NOB1: variants seen among roughly 807,000 people sequenced by gnomAD.
NOB1 encodes NIN1 (RPN12) binding protein 1 homolog, also known as RNA-binding protein NOB1.
Under a neutral mutation model 44.8 loss-of-function variants are expected in NOB1, and 44 were observed. That is an observed-to-expected ratio of 0.98 (90% CI 0.77 to 1.26). NOB1 has a LOEUF of 1.26. Ranked by LOEUF, NOB1 falls within the 50% of genes most tolerant of loss-of-function variation. The pLI, the probability that NOB1 is intolerant of heterozygous loss-of-function variation, is 0.00. For synonymous variants in NOB1, 238 were observed against 218.7 expected (o/e 1.09, Z -0.78); for missense variants, 560 against 544.8 (o/e 1.03, Z -0.28).
At chr16:69,751,203 A>T (rs1401065505) in intron 3 of NOB1, among the ~76,000 whole-genome samples, 1 of 152,130 alleles carries the variant, frequency 6.6e-6, no homozygotes, top group Non-Finnish European at 1.5e-5. Context: ...CTCCTGCCTC[A>T]GACGGGGTTG....
At position 69,754,921 on chromosome 16, in the gene NOB1, T is replaced by G. The variant is rs1353160431; in HGVS notation, c.-11A>C. On this transcript the variant is annotated 5_prime_UTR_variant, in exon 1 of 9. Transcript: ENST00000268802. ...CTCCACTGGAGCCATGTTGGCTGCG[T>G]GAGAGGGGAGCGCGCATGCGCACGG... 1 of 1,572,362 alleles carries G rather than the reference T, an allele frequency of 6.4e-7. No individual in the cohort carries two copies. The highest frequency in any genetic ancestry group is 8.6e-7 in the Non-Finnish European group (1 of 1,160,662).
chr16:69,754,320 C>T (rs2038506471), intron 2 of NOB1, among the ~76,000 whole-genome samples: 1 of 152,218 alleles, frequency 6.6e-6, no homozygotes. Context: ...TCAGTTCATG[C>T]TCACAGCAAC....
At chr16:69,753,177 G>T (rs1172549674) in intron 2 of NOB1, among the ~76,000 whole-genome samples, 1 of 152,094 alleles carries the variant, frequency 6.6e-6, no homozygotes, top group African/African-American at 2.4e-5. Flanking sequence ...AGCCAAGATC[G>T]TGCCACTGCA....
At position 69,742,441 on chromosome 16, in the gene NOB1, T is replaced by A. The variant is rs748231308; in HGVS notation, c.1130A>T (p.Asp377Val). The change falls in exon 9 of 9, where the codon GAC becomes GTC. Residue 377 changes from aspartate to valine, a missense_variant. Transcript: ENST00000268802. ...IAGVSPFVEN[D>V]ISSRSATLQV... Reference sequence around the variant, plus strand: ...CAGGGTAGCTGAGCGGCTGGAGATGTCATTCTCGACAAAGGGTGACACCCC... The same window carrying A: ...CAGGGTAGCTGAGCGGCTGGAGATGACATTCTCGACAAAGGGTGACACCCC... The A allele has an allele frequency of 2.5e-5, 41 of 1,614,236 alleles. 3 individuals carry two copies. In the South Asian group the frequency reaches 4.4e-4, roughly 17 times the overall value.
Position 69,749,448 on chromosome 16 carries a change from A to C in NOB1, c.400-110T>G, listed in dbSNP as rs2038463701. ...CAAGTCAGATCAGACAGGGCTGGAC[A>C]AACTATGTTATTGGTCCGCGTAAAT... On this transcript the variant is annotated intron_variant, in intron 4 of 8. Transcript: ENST00000268802. The C allele has an allele frequency of 3.9e-6, 6 of 1,534,966 alleles. No homozygotes were observed. In the Admixed American group the frequency reaches 9.3e-5, roughly 24 times the overall value.
chr16:69,747,976 G>A (rs1191734565), intron 7 of NOB1, among the ~76,000 whole-genome samples: 1 of 152,132 alleles, frequency 6.6e-6, no homozygotes, highest in Non-Finnish European at 1.5e-5. Flanking sequence ...TGACCAACAT[G>A]GTGAAACCCC....
At chr16:69,749,467 C>T (rs573494521) in intron 4 of NOB1, 92 bp downstream of exon 4, 39 of 1,532,924 alleles carry the variant, frequency 2.5e-5, no homozygotes, top group Middle Eastern at 1.7e-4. Context: ...TATTGGTCCG[C>T]GTAAATTTAG....
chr16:69,752,120 A>G (rs2038487621), intron 3 of NOB1, 121 bp downstream of exon 3: 1 of 880,390 alleles, frequency 1.1e-6, no homozygotes, highest in Non-Finnish European at 1.8e-6. Context: ...CAGACTAGCT[A>G]AGAGATAATT....
At position 69,742,126 on chromosome 16, in the gene NOB1, G is replaced by A. The variant is rs2038386362; in HGVS notation, c.*206C>T. 3.7e-6 allele frequency: 2 copies of A among 545,462 alleles called. No homozygotes were observed. The highest frequency in any genetic ancestry group is 3.8e-5 in the African/African-American group (2 of 52,424). 33.8% of individuals were successfully genotyped at this position (545,462 alleles called of 1,614,324 possible). A position where few individuals can be genotyped will look rare whatever the true frequency, so the allele number is the denominator to read the frequency against. ...TTTATGCAATTGCACTTCCTTGGCA[G>A]GCAGCCAGGCGCTCCGGTGCTCACA... On this transcript the variant is annotated 3_prime_UTR_variant, in exon 9 of 9. Transcript: ENST00000268802.
intron 8 of NOB1, among the ~76,000 whole-genome samples, chr16:69,744,189 C>T (rs1211466985): frequency 2.6e-5 from 4 of 152,104 alleles, no homozygotes; most frequent in East Asian, 3.9e-4. Flanking sequence ...AGCATGGTGG[C>T]GTGTGCCTGT....
intron 7 of NOB1, among the ~76,000 whole-genome samples, chr16:69,745,817 T>A (rs1254746588): frequency 6.6e-6 from 1 of 152,254 alleles, no homozygotes; most frequent in African/African-American, 2.4e-5. Flanking sequence ...AAGTCTCTTG[T>A]GAGTGAACTA....
chr16:69,754,802 G>A, intron 1 of NOB1, 46 bp downstream of exon 1: 1 of 1,609,522 alleles, frequency 6.2e-7, no homozygotes, highest in South Asian at 1.1e-5. Context: ...CTCCGGGAGG[G>A]GCGGCCAGCC....
At chr16:69,750,900 A>C (rs2038477265) in intron 3 of NOB1, among the ~76,000 whole-genome samples, 1 of 152,220 alleles carries the variant, frequency 6.6e-6, no homozygotes, top group Non-Finnish European at 1.5e-5. Context: ...TTATTAGGTT[A>C]AAATTTTTGA....
intron 3 of NOB1, among the ~76,000 whole-genome samples, chr16:69,751,261 G>A (rs1033232024): frequency 2.6e-5 from 4 of 152,068 alleles, no homozygotes; most frequent in African/African-American, 9.7e-5. Flanking sequence ...TCCTGCCTTG[G>A]CCTCCCAAAG....
chr16:69,745,095 G>A (rs1268278954), intron 7 of NOB1, 78 bp from the exon 8 acceptor site: 34 of 1,504,274 alleles, frequency 2.3e-5, no homozygotes, highest in Non-Finnish European at 2.7e-5. Context: ...GGTGGGTCTC[G>A]GGCCTCAGGA....
In NOB1 at chr16:69,749,656, C is replaced by T. The variant is rs562886854; in HGVS notation, c.328-26G>A. On this transcript the variant is annotated intron_variant, in intron 3 of 8. Coordinates refer to ENST00000268802, the MANE Select transcript of NOB1 (RefSeq NM_014062.3). ...CTTTAAAAAAACAAAAAACATATACCTCTTGTTATCAAAATTAAAGATATC... is the reference window on the plus strand; with the variant it reads ...CTTTAAAAAAACAAAAAACATATACTTCTTGTTATCAAAATTAAAGATATC... The T allele has an allele frequency of 1.7e-4, 268 of 1,552,888 alleles. 6 individuals carry two copies. The South Asian group carries it at 2.8e-3, about 16-fold the overall frequency.
In NOB1 at chr16:69,742,483, G is replaced by A; in HGVS notation, c.1088C>T (p.Ala363Val). 2 of 1,614,258 alleles carry A rather than the reference G, an allele frequency of 1.2e-6. No homozygotes were observed. Among genetic ancestry groups the A allele is most frequent in the Non-Finnish European group, 1.7e-6 (2 of 1,180,048 alleles). ...QKARQKTNVF[A>V]PDYIAGVSPF... ...TGACACCCCGGCGATGTAGTCAGGG[G>A]CGAACACGTTGGTTTTCTGCCTGGC... Residue 363 changes from alanine to valine, a missense_variant, in exon 9 of 9, where the codon GCC becomes GTC. Physicochemically the swap from Ala to Val is moderately conservative, Grantham distance 64. Transcript: ENST00000268802.
chr16:69,753,647 C>G (rs2038500600), intron 2 of NOB1, among the ~76,000 whole-genome samples: 1 of 152,144 alleles, frequency 6.6e-6, no homozygotes, highest in Admixed American at 6.6e-5. Flanking sequence ...TGGAGAAAAT[C>G]GTAGAAATCA....
chr16:69,746,508 C>CT (rs2038432433), intron 7 of NOB1, among the ~76,000 whole-genome samples: 1 of 152,242 alleles, frequency 6.6e-6, no homozygotes, highest in South Asian at 2.1e-4. Flanking sequence ...GGTCAAGAAA[C>CT]TAACAGTTCA....
Sources: gnomAD v4.1 joint callset for allele counts (sites outside exome capture counted in the v4.1 genomes callset) on GRCh38, gnomAD v4.1.1 for gene constraint, MANE v1.5 for transcripts, NCBI Gene and HGNC (gene_info 2026-07-23, HGNC 2026-07-21) for gene names.